The following RYR1 variants were observed in gnomAD, a reference collection of about 807,000 sequenced individuals.
RYR1 encodes central core disease of muscle.
Under a neutral mutation model 583.5 loss-of-function variants are expected in RYR1, and 342 were observed. The observed-to-expected ratio is 0.59, with a 90% confidence interval of 0.54 to 0.64. The LOEUF (loss-of-function observed/expected upper bound fraction) is 0.64, where lower values mean the gene tolerates loss of function less well. Among genes scored for constraint, RYR1 ranks in the 30% least tolerant of loss-of-function variants. The pLI, the probability that RYR1 is intolerant of heterozygous loss-of-function variation, is 0.00. For synonymous variants in RYR1, 2,791 were observed against 2,822.5 expected, an observed-to-expected ratio of 0.99 and a Z score of 0.35; for missense variants, 6,032 against 6,917.2, an observed-to-expected ratio of 0.87 and a Z score of 4.54.
chr19:38,473,966 A>G (rs1360090086), intron 28 of RYR1, among the ~76,000 whole-genome samples, 195 bp downstream of exon 28: 2 of 152,184 alleles, frequency 1.3e-5, no homozygotes, highest in African/African-American at 4.8e-5. Context: ...AATGTCCCCA[A>G]GAATATATAA....
intron 73 of RYR1, chr19:38,528,009 C>CTGCTGCTTAA: frequency 1.6e-6 from 1 of 616,686 alleles, no homozygotes; most frequent in Non-Finnish European, 2.8e-6. Flanking sequence ...ATCTTTAGGT[C>CTGCTGCTTAA]TAGGGGTGGG....
intron 3 of RYR1, 25 bp downstream of exon 3, chr19:38,442,478 C>G: frequency 1.3e-6 from 2 of 1,570,940 alleles, no homozygotes; most frequent in Non-Finnish European, 1.8e-6. Flanking sequence ...TGGGGGTGGG[C>G]GGGGTGGCAG....
chr19:38,572,543 G>A (rs1005587535), intron 95 of RYR1, among the ~76,000 whole-genome samples: 3 of 152,136 alleles, frequency 2.0e-5, no homozygotes, highest in South Asian at 2.1e-4. Flanking sequence ...CTTTGCTATT[G>A]AACTAGAGTT....
rs1274028467 is a variant in RYR1 at position 38,480,525 on chromosome 19, C to T, written c.4620+1925C>T. On this transcript the variant is annotated intron_variant, in intron 31 of 105. Transcript: ENST00000359596. ...AATTGCAGACATCAGATAGTTTCCT[C>T]TGTTTTCAGTGTGTAGCTTTAAAAG... is the stretch of plus-strand genomic sequence containing the variant. Among the ~76,000 whole-genome samples, 4 of 152,084 alleles carry T rather than the reference C, an allele frequency of 2.6e-5. No individual in the cohort carries two copies. In the East Asian group the frequency reaches 7.7e-4, roughly 29 times the overall value.
Position 38,499,322 on chromosome 19 carries a change from C to A in RYR1, c.7027+79C>A. 1 of 1,602,570 alleles carries A rather than the reference C, an allele frequency of 6.2e-7. No individual in the cohort carries two copies. Among genetic ancestry groups the A allele is most frequent in the South Asian group, 1.1e-5 (1 of 90,666 alleles). ...ACCTCCCTCGAGATGACTGCTCGCA[C>A]CCTGAGCCACAGATGGGGTCCAGGC... is the stretch of plus-strand genomic sequence containing the variant. On this transcript the variant is annotated intron_variant, in intron 43 of 105. Transcript: ENST00000359596. This position sits in a 1 kb window ranked among gnomAD's most constrained non-coding sequence, Gnocchi z 7.3.
Position 38,473,623 on chromosome 19 carries a change from G to C in RYR1, c.4012G>C (p.Ala1338Pro). 1 of 1,565,614 alleles carries C rather than the reference G, an allele frequency of 6.4e-7. No individual in the cohort carries two copies. Among genetic ancestry groups the C allele is most frequent in the Non-Finnish European group, 8.7e-7 (1 of 1,155,188 alleles). Residue 1338 changes from alanine to proline, a missense_variant, in exon 28 of 106, where the codon GCT (alanine) becomes CCT (proline). Ala to Pro is a conservative substitution (Grantham distance 27). This residue lies in a region of RYR1 where 2,627 missense variants were observed against 2,961.3 expected (regional missense o/e 0.89). Coordinates refer to ENST00000359596, the MANE Select transcript of RYR1 (RefSeq NM_000540.3). ...DPDYENLRRS[A>P]GGWSEAENGK... The stretch of plus-strand genomic sequence containing the variant: ...TGACTACGAAAACCTGCGCCGCTCA[G>C]CTGGGGGCTGGAGCGAGGCAGAGAA...
chr19:38,558,200 A>G (rs1327010821), intron 89 of RYR1, among the ~76,000 whole-genome samples: 1 of 151,670 alleles, frequency 6.6e-6, no homozygotes, highest in Non-Finnish European at 1.5e-5. Context: ...TGTGGTCCCA[A>G]CTTGGAAGGC....
At chr19:38,513,075 C>T (rs371912203) in intron 63 of RYR1, among the ~76,000 whole-genome samples, 3 of 152,174 alleles carry the variant, frequency 2.0e-5, no homozygotes, top group Admixed American at 6.5e-5. Flanking sequence ...CAGTGGCTCA[C>T]GCCTGTAATC....
At chr19:38,454,965 C>G (rs1010986629) in intron 13 of RYR1, among the ~76,000 whole-genome samples, 1 of 151,950 alleles carries the variant, frequency 6.6e-6, no homozygotes, top group African/African-American at 2.4e-5. Context: ...GAAGTATAAA[C>G]TCAGTCCTGG....
chr19:38,448,935 T>C (rs1196141116), intron 11 of RYR1, 122 bp downstream of exon 11: 1 of 981,294 alleles, frequency 1.0e-6, no homozygotes, highest in Non-Finnish European at 1.6e-6. Context: ...CAGAGTGAGA[T>C]GGGGTGCAGG....
chr19:38,496,610 A>C lies in RYR1; in HGVS notation c.6796+69A>C. 1 of 1,578,998 alleles carries C rather than the reference A, an allele frequency of 6.3e-7. No individual in the cohort carries two copies. The highest frequency in any genetic ancestry group is 1.1e-5 in the South Asian group (1 of 90,186). On this transcript the variant is annotated intron_variant, in intron 41 of 105. Coordinates refer to ENST00000359596, the MANE Select transcript of RYR1 (RefSeq NM_000540.3). This position sits in a 1 kb window ranked among gnomAD's most constrained non-coding sequence, Gnocchi z 4.8. ...CTGGCACCCCGTCCAGGCCTGCCCC[A>C]CTTTCCACCAGCTCACTCATTCAAC...
chr19:38,483,071 C>T lies in RYR1; in HGVS notation c.4665C>T (p.Pro1555=), dbSNP rs764090645. Residue 1555 remains proline, a synonymous_variant, in exon 32 of 106, where the codon CCC becomes CCT. Transcript: ENST00000359596. This position sits in a 1 kb window ranked among gnomAD's most constrained non-coding sequence, Gnocchi z 6.3. ...TKLFPAVFVL[P]THQNVIQFEL... ...TATTTCCTGCCGTCTTCGTCCTGCC[C>T]ACCCACCAGAACGTCATCCAGTTTG... is the stretch of plus-strand genomic sequence containing the variant. 2 of 1,614,138 alleles carry T rather than the reference C, an allele frequency of 1.2e-6. No individual in the cohort carries two copies. The highest frequency in any genetic ancestry group is 1.7e-6 in the Non-Finnish European group (2 of 1,180,020).
At chr19:38,524,075 T>G (rs1971353242) in intron 70 of RYR1, 146 bp downstream of exon 70, 2 of 742,436 alleles carry the variant, frequency 2.7e-6, no homozygotes, top group Non-Finnish European at 4.2e-6. Flanking sequence ...CCTCCTTCCC[T>G]TCCCTTCCCT....
intron 48 of RYR1, 76 bp from the exon 49 acceptor site, chr19:38,502,804 C>CAGGGGGAGGGGG (rs1179055799): frequency 5.8e-6 from 5 of 861,440 alleles, no homozygotes; most frequent in South Asian, 4.3e-5. Flanking sequence ...GGGGCAGGGG[C>CAGGGGGAGGGGG]AGGGGGAGGA....
At chr19:38,482,042 G>T (rs1236267064) in intron 31 of RYR1, among the ~76,000 whole-genome samples, 1 of 151,776 alleles carries the variant, frequency 6.6e-6, no homozygotes. Context: ...GAGCCGAGAT[G>T]ATGCCACTGC....
At position 38,580,125 on chromosome 19, in the gene RYR1, A is replaced by G. The variant is rs1974132650; in HGVS notation, c.14508A>G (p.Lys4836=). 2 of 1,614,042 alleles carry G rather than the reference A, an allele frequency of 1.2e-6. No homozygotes were observed. Among genetic ancestry groups the G allele is most frequent in the African/African-American group, 1.3e-5 (1 of 74,902 alleles). Residue 4836 remains lysine, a synonymous_variant, in exon 100 of 106, where the codon AAA becomes AAG. Coordinates refer to ENST00000359596, the MANE Select transcript of RYR1 (RefSeq NM_000540.3). The part of the protein sequence containing the change: ...TILSSVTHNG[K]QLVMTVGLLA... ...TGTCCTCTGTCACCCACAATGGGAA[A>G]CAGGTGTGGGGAGGACCTGGCTGTG...
intron 100 of RYR1, 105 bp downstream of exon 100, chr19:38,580,233 C>T (rs1208774247): frequency 1.9e-6 from 3 of 1,595,054 alleles, no homozygotes; most frequent in East Asian, 2.2e-5. Flanking sequence ...GGGGCAAGGC[C>T]AGGTGCGCTG....
rs1367463195 is a variant in RYR1, at chr19:38,478,520, G to T, written c.4540G>T (p.Val1514Phe). ...GGGCCGGATCAGCCACACGGACCTT[G>T]TCATTGGGTGCCTGGTGGACTTGGC... The part of the protein sequence containing the change: ...QQGRISHTDL[V>F]IGCLVDLATG... The change falls in exon 31 of 106, where the codon GTC becomes TTC. Residue 1514 changes from valine (V) to phenylalanine (F), a missense_variant. By Grantham distance (50) the Val-to-Phe change is conservative (BLOSUM62 -1). This residue lies in a region of RYR1 where 2,627 missense variants were observed against 2,961.3 expected (regional missense o/e 0.89). Coordinates refer to ENST00000359596, the MANE Select transcript of RYR1 (RefSeq NM_000540.3). 6 of 1,614,060 alleles carry T rather than the reference G, an allele frequency of 3.7e-6. No individual in the cohort carries two copies. The African/African-American group carries it at 8.0e-5, about 22-fold the overall frequency.
chr19:38,574,624 C>A (rs1359836978), intron 96 of RYR1, among the ~76,000 whole-genome samples: 1 of 151,670 alleles, frequency 6.6e-6, no homozygotes. Flanking sequence ...AGAGCAAGAC[C>A]CTATGTCTGG....
Sources: gnomAD v4.1 joint callset for allele counts (sites outside exome capture counted in the v4.1 genomes callset) on GRCh38, gnomAD v4.1.1 for gene constraint, gnomAD v4.1.1 regional missense constraint, Gnocchi (gnomAD v3.1) non-coding constraint, MANE v1.5 for transcripts, NCBI Gene and HGNC (gene_info 2026-07-23, HGNC 2026-07-21) for gene names.